Variants in FABP12 observed in about 807,000 individuals in gnomAD.
FABP12 encodes the protein fatty acid-binding protein 12.
A neutral mutation model predicts 13.7 loss-of-function variants in FABP12; 19 were observed. The ratio of observed to expected loss-of-function variants is 1.39; its 90% CI spans 0.97 to 2.04. The LOEUF is 2.04. Ranked by LOEUF, FABP12 falls within the 30% of genes most tolerant of loss-of-function variation. The pLI is 0.00. For missense variants in FABP12, 182 were observed against 164.2 expected (o/e 1.11, Z -0.59); for synonymous variants, 61 against 57.0 (o/e 1.07, Z -0.32).
intron 1 of FABP12, among the ~76,000 whole-genome samples, chr8:81,548,728 G>C (rs1257628720): frequency 6.6e-6 from 1 of 152,034 alleles, no homozygotes; most frequent in Non-Finnish European, 1.5e-5. Flanking sequence ...AGACATTTTT[G>C]GCAGATAAGA....
chr8:81,545,360 C>T (rs890633825), intron 1 of FABP12, among the ~76,000 whole-genome samples: 2 of 152,162 alleles, frequency 1.3e-5, no homozygotes, highest in African/African-American at 4.8e-5. Context: ...TTGGACTTCT[C>T]TTTCAGAAAG....
chr8:81,535,419 T>G (rs1455558819), upstream of FABP12, among the ~76,000 whole-genome samples: 1 of 152,054 alleles, frequency 6.6e-6, no homozygotes, highest in Non-Finnish European at 1.5e-5. Context: ...CTATAATAAT[T>G]CTTGTTTGAA....
intron 1 of FABP12, among the ~76,000 whole-genome samples, chr8:81,556,445 G>C (rs1809617339): frequency 6.6e-6 from 1 of 152,086 alleles, no homozygotes; most frequent in Non-Finnish European, 1.5e-5. Context: ...GGGTTTGCTA[G>C]GGCCAGAATC....
upstream of FABP12, among the ~76,000 whole-genome samples, chr8:81,535,118 T>C (rs1809191151): frequency 6.6e-6 from 1 of 152,148 alleles, no homozygotes; most frequent in Admixed American, 6.6e-5. Flanking sequence ...CAGTAGCCCA[T>C]CATTGGGGTT....
At chr8:81,585,427 G>A (rs1056542193) in intron 1 of FABP12, among the ~76,000 whole-genome samples, 1 of 152,022 alleles carries the variant, frequency 6.6e-6, no homozygotes, top group African/African-American at 2.4e-5. Flanking sequence ...TCTCTATTCT[G>A]TTCTATTGGT....
At chr8:81,582,822 A>G (rs563358663) in intron 1 of FABP12, among the ~76,000 whole-genome samples, 2 of 152,184 alleles carry the variant, frequency 1.3e-5, no homozygotes, top group Non-Finnish European at 2.9e-5. Context: ...TAACAAAGAA[A>G]TATTGGATTT....
chr8:81,574,293 G>A (rs2556578), intron 1 of FABP12, among the ~76,000 whole-genome samples: 69,656 of 151,948 alleles, frequency 0.46, 18,077 homozygotes, highest in Non-Finnish European at 0.57. Context: ...CTGCATCCCT[G>A]GTATGAAACC....
intron 1 of FABP12, among the ~76,000 whole-genome samples, chr8:81,578,823 G>GTTTTTTTTTTTTT (rs763089399): frequency 1.7e-4 from 18 of 105,652 alleles, no homozygotes; most frequent in African/African-American, 6.9e-4. Context: ...ATTTGTTCAA[G>GTTTTTTTTTTTTT]TTTTTTTTTT....
In FABP12 at chr8:81,529,453, AC is replaced by A. The variant is rs750025162; in HGVS notation, c.230del (p.Gly77ValfsTer9). 1.4e-5 allele frequency: 23 copies of A among 1,613,946 alleles called. No individual in the cohort carries two copies. The Admixed American group carries it at 3.8e-4, about 27-fold the overall frequency. ...TAGGCCTCACCTTTGTTTTGTGGCC[AC>A]CTGGCGTGATTTCCTCAAACTCTTC... On this transcript the variant is annotated frameshift_variant, in exon 3 of 5. Transcript: ENST00000360464. LOFTEE classifies it high-confidence loss of function.
At chr8:81,551,896 T>C (rs1160795842) in intron 1 of FABP12, among the ~76,000 whole-genome samples, 1 of 152,118 alleles carries the variant, frequency 6.6e-6, no homozygotes, top group Non-Finnish European at 1.5e-5. Context: ...CATTCATGTA[T>C]TAATCATTCA....
At chr8:81,526,792 A>G (rs1374186512) in intron 4 of FABP12, among the ~76,000 whole-genome samples, 1 of 152,196 alleles carries the variant, frequency 6.6e-6, no homozygotes, top group East Asian at 1.9e-4. Flanking sequence ...CTGTGAGTCA[A>G]AGGATTAGGC....
At chr8:81,578,965 A>T (rs1810106909) in intron 1 of FABP12, among the ~76,000 whole-genome samples, 1 of 150,980 alleles carries the variant, frequency 6.6e-6, no homozygotes, top group Non-Finnish European at 1.5e-5. Context: ...AGTAGCTGGG[A>T]CTACAGGCGC....
intron 1 of FABP12, among the ~76,000 whole-genome samples, chr8:81,555,328 T>C (rs1809593632): frequency 6.6e-6 from 1 of 152,170 alleles, no homozygotes; most frequent in Non-Finnish European, 1.5e-5. Context: ...CAGAGAAAAA[T>C]AGACAAATAA....
At chr8:81,556,961 G>A (rs57454262) in intron 1 of FABP12, among the ~76,000 whole-genome samples, 6,962 of 136,072 alleles carry the variant, frequency 0.051, 216 homozygotes, top group East Asian at 0.17. Context: ...TACAACCTCC[G>A]CCTCCCAGAT....
At chr8:81,534,385 G>T (rs538263548), upstream of FABP12, among the ~76,000 whole-genome samples, 1 of 152,276 alleles carries the variant, frequency 6.6e-6, no homozygotes, top group East Asian at 1.9e-4. Flanking sequence ...AATTTTGATA[G>T]AACAGGCAAA....
intron 1 of FABP12, among the ~76,000 whole-genome samples, chr8:81,552,291 T>C (rs986062498): frequency 6.6e-6 from 1 of 152,128 alleles, no homozygotes; most frequent in Non-Finnish European, 1.5e-5. Context: ...CAAGGTCCTT[T>C]AGGGCAGTTG....
chr8:81,530,420 T>C (rs188385059), intron 2 of FABP12, among the ~76,000 whole-genome samples: 8 of 152,332 alleles, frequency 5.3e-5, no homozygotes, highest in Non-Finnish European at 1.2e-4. Context: ...TTATTACAAA[T>C]AATTATGCAG....
intron 1 of FABP12, among the ~76,000 whole-genome samples, chr8:81,541,199 G>GAC (rs1210751872): frequency 4.0e-5 from 6 of 149,630 alleles, no homozygotes; most frequent in South Asian, 2.1e-4. Context: ...AATATAAAAA[G>GAC]ACACACACAC....
At chr8:81,561,315 A>T (rs1809720878) in intron 1 of FABP12, among the ~76,000 whole-genome samples, 1 of 152,360 alleles carries the variant, frequency 6.6e-6, no homozygotes, top group Non-Finnish European at 1.5e-5. Context: ...AAGTTTGAAA[A>T]GTTGAGAACC....
Sources: gnomAD v4.1 joint callset for allele counts (sites outside exome capture counted in the v4.1 genomes callset) on GRCh38, gnomAD v4.1.1 for gene constraint, MANE v1.5 for transcripts, NCBI Gene and HGNC (gene_info 2026-07-23, HGNC 2026-07-21) for gene names.